The following TNIP3 variants were observed in gnomAD, a reference collection of about 807,000 sequenced individuals.
TNIP3 encodes TNFAIP3-interacting protein 3.
TNIP3 carries 34 observed loss-of-function variants against 54.1 expected under a neutral mutation model. The ratio of observed to expected loss-of-function variants is 0.63; its 90% CI spans 0.48 to 0.84. The LOEUF (loss-of-function observed/expected upper bound fraction) is 0.84. Among genes scored for constraint, TNIP3 ranks in the 40% least tolerant of loss-of-function variants. The pLI, the probability that TNIP3 is intolerant of heterozygous loss-of-function variation, is 0.00. For synonymous variants in TNIP3, 134 were observed against 136.8 expected (o/e 0.98, Z 0.14); for missense variants, 366 against 387.6 (o/e 0.94, Z 0.47).
intron 2 of TNIP3, among the ~76,000 whole-genome samples, chr4:121,192,009 A>G (rs1428492893): frequency 6.6e-6 from 1 of 152,242 alleles, no homozygotes; most frequent in Admixed American, 6.5e-5. Context: ...AAATTTTATA[A>G]TAGAAATGCA....
chr4:121,224,132 G>A (rs1487062017), intron 1 of TNIP3, among the ~76,000 whole-genome samples: 1 of 152,150 alleles, frequency 6.6e-6, no homozygotes, highest in Non-Finnish European at 1.5e-5. Context: ...GGAGGCCAAG[G>A]CAGGAAGATC....
intron 5 of TNIP3, among the ~76,000 whole-genome samples, chr4:121,152,201 T>G (rs542158277): frequency 5.2e-4 from 79 of 152,208 alleles, no homozygotes; most frequent in Non-Finnish European, 8.8e-4. Context: ...GATTCCATGC[T>G]GTGATGGATG....
At chr4:121,204,985 C>A (rs879791423) in intron 2 of TNIP3, among the ~76,000 whole-genome samples, 3 of 152,100 alleles carry the variant, frequency 2.0e-5, no homozygotes, top group African/African-American at 7.2e-5. Flanking sequence ...TTTTCTCTTC[C>A]GTAATTGTTC....
intron 10 of TNIP3, among the ~76,000 whole-genome samples, chr4:121,134,645 A>C (rs1178120739): frequency 2.0e-5 from 3 of 152,196 alleles, no homozygotes; most frequent in Admixed American, 6.5e-5. Context: ...ATGTGTCTCC[A>C]AAGCATTCTG....
intron 2 of TNIP3, among the ~76,000 whole-genome samples, chr4:121,186,135 C>T (rs78845855): frequency 0.018 from 2,775 of 152,246 alleles, 44 homozygotes; most frequent in African/African-American, 0.04. Context: ...TGAGACTGAG[C>T]GTGGTGACTA....
At chr4:121,149,489 G>A (rs1729615282) in intron 6 of TNIP3, among the ~76,000 whole-genome samples, 1 of 152,212 alleles carries the variant, frequency 6.6e-6, no homozygotes, top group African/African-American at 2.4e-5. Context: ...CCACGTGGCT[G>A]GGTGCTGTGG....
chr4:121,176,719 T>C (rs1416759290), intron 3 of TNIP3, among the ~76,000 whole-genome samples: 1 of 151,930 alleles, frequency 6.6e-6, no homozygotes, highest in Non-Finnish European at 1.5e-5. Context: ...TTTTTTTTTT[T>C]CCTACAGTGT....
At chr4:121,168,121 G>A (rs144719759), upstream of TNIP3, among the ~76,000 whole-genome samples, 2 of 152,184 alleles carry the variant, frequency 1.3e-5, no homozygotes, top group East Asian at 3.9e-4. Context: ...ATCCAGACAG[G>A]GGAGGAGCAC....
intron 9 of TNIP3, among the ~76,000 whole-genome samples, chr4:121,139,335 A>G (rs2148795358): frequency 6.6e-6 from 1 of 152,346 alleles, no homozygotes; most frequent in African/African-American, 2.4e-5. Context: ...TTGAATGTCG[A>G]ACAAATTGCA....
At chr4:121,180,811 C>T (rs1446449440) in intron 3 of TNIP3, among the ~76,000 whole-genome samples, 3 of 152,198 alleles carry the variant, frequency 2.0e-5, no homozygotes, top group East Asian at 1.9e-4. Context: ...AACTCATTTT[C>T]GTTTTACTTA....
chr4:121,217,114 C>T (rs1276036356), upstream of TNIP3, among the ~76,000 whole-genome samples: 1 of 152,094 alleles, frequency 6.6e-6, no homozygotes, highest in Non-Finnish European at 1.5e-5. Context: ...AACTTAAGCA[C>T]CAAACTGTGG....
At position 121,150,143 on chromosome 4, in the gene TNIP3, T is replaced by C. The variant is rs751345896; in HGVS notation, c.569A>G (p.His190Arg). 15 of 1,613,942 alleles carry C rather than the reference T, an allele frequency of 9.3e-6. No homozygotes were observed. The highest frequency in any genetic ancestry group is 1.7e-4 in the Middle Eastern group (1 of 6,060). The part of the protein sequence containing the change: ...CLRKSRVEFC[H>R]EEMRTEMEVL... ...TTCCATTTCTGTTCTCATCTCCTCA[T>C]GGCAGAATTCCACTCGAGACTTCCT... is the stretch of plus-strand genomic sequence containing the variant. Residue 190 changes from histidine (H) to arginine (R), a missense_variant, in exon 6 of 11, where the codon CAT (histidine) becomes CGT (arginine). Physicochemically the swap from His to Arg is conservative, Grantham distance 29. Coordinates refer to ENST00000057513, the MANE Select transcript of TNIP3 (RefSeq NM_024873.6).
intron 10 of TNIP3, 95 bp downstream of exon 10, chr4:121,138,529 C>G (rs916877306): frequency 5.3e-5 from 64 of 1,209,062 alleles, no homozygotes; most frequent in South Asian, 1.5e-4. Context: ...GTAAGTCCTC[C>G]CCAAGTACGA....
At chr4:121,142,922 G>T in intron 7 of TNIP3, 146 bp from the exon 8 acceptor site, 1 of 612,106 alleles carries the variant, frequency 1.6e-6, no homozygotes, top group Non-Finnish European at 2.9e-6. Context: ...GACATGCATT[G>T]ATTCTTAAAA....
At chr4:121,209,820 T>G (rs925877421) in intron 2 of TNIP3, among the ~76,000 whole-genome samples, 11 of 152,198 alleles carry the variant, frequency 7.2e-5, no homozygotes, top group African/African-American at 2.4e-4. Flanking sequence ...CAACAAATAT[T>G]TATTGAAGTT....
intron 2 of TNIP3, among the ~76,000 whole-genome samples, chr4:121,205,845 AT>A (rs1476050987): frequency 3.3e-5 from 5 of 152,154 alleles, no homozygotes; most frequent in Non-Finnish European, 5.9e-5. Flanking sequence ...AGACTGGGTA[AT>A]TTACAAAGGA....
At chr4:121,227,375 T>C (rs945440716) in intron 1 of TNIP3, 2 of 1,535,358 alleles carry the variant, frequency 1.3e-6, no homozygotes, top group Non-Finnish European at 1.7e-6. Context: ...CAAGACATTA[T>C]GTTACTCACC....
upstream of TNIP3, among the ~76,000 whole-genome samples, chr4:121,219,991 A>G (rs1481686696): frequency 1.3e-5 from 2 of 152,208 alleles, no homozygotes; most frequent in Admixed American, 1.3e-4. Context: ...AAATGTCCTC[A>G]TCAGGTACTA....
upstream of TNIP3, among the ~76,000 whole-genome samples, chr4:121,218,232 A>G (rs377696915): frequency 4.6e-5 from 7 of 152,372 alleles, no homozygotes; most frequent in East Asian, 3.9e-4. Flanking sequence ...CTCTGGTAGT[A>G]AACACCCCAA....
Sources: allele counts gnomAD v4.1 joint callset (sites outside exome capture counted in the v4.1 genomes callset), GRCh38; gene constraint gnomAD v4.1.1; transcripts MANE v1.5; gene names NCBI Gene and HGNC (gene_info 2026-07-23, HGNC 2026-07-21).